The following IPO7 variants were observed in gnomAD, a reference collection of about 807,000 sequenced individuals.
The protein encoded by IPO7 is importin 7, also known as importin-7.
In IPO7, 13 loss-of-function variants were observed where a neutral mutation model predicts 136.4. The ratio of observed to expected loss-of-function variants is 0.10; its 90% CI spans 0.06 to 0.15. The LOEUF (loss-of-function observed/expected upper bound fraction) is 0.15. Ranked by LOEUF, IPO7 falls within the 10% of genes least tolerant of loss-of-function variation. The pLI is 1.00. For synonymous variants in IPO7, 403 were observed against 404.4 expected, an observed-to-expected ratio of 1.00 and a Z score of 0.04; for missense variants, 857 against 1,240.6, an observed-to-expected ratio of 0.69 and a Z score of 4.65.
chr11:9,384,672 T>A lies in IPO7; in HGVS notation c.-92T>A, dbSNP rs954382391. ...TCTTTCCTTTCGCGCCGGTTGCCGC[T>A]GCGGAGCGCGGCGGGTCCATGTGCG... On this transcript the variant is annotated 5_prime_UTR_variant, in exon 1 of 25. Transcript: ENST00000379719. The A allele has an allele frequency of 5.5e-6, 6 of 1,083,880 alleles. No homozygotes were observed. The highest frequency in any genetic ancestry group is 6.6e-6 in the Non-Finnish European group (5 of 752,360). The allele number at this position is 1,083,880 out of a possible 1,614,324, so 67.1% of individuals were successfully genotyped here. A position where few individuals can be genotyped will look rare whatever the true frequency, so the allele number is the denominator to read the frequency against.
chr11:9,432,606 A>T (rs1855311944), intron 16 of IPO7, among the ~76,000 whole-genome samples: 1 of 152,212 alleles, frequency 6.6e-6, no homozygotes, highest in Non-Finnish European at 1.5e-5. Context: ...ATTCTATTTT[A>T]GGAATTGTAA....
intron 8 of IPO7, 56 bp downstream of exon 8, chr11:9,420,754 T>C: frequency 8.7e-7 from 1 of 1,146,302 alleles, no homozygotes. Flanking sequence ...AGTTAATTTA[T>C]ATATTGCTTA....
chr11:9,433,059 A>G (rs983903399), intron 16 of IPO7: 2 of 140,534 alleles, frequency 1.4e-5, no homozygotes, highest in African/African-American at 5.3e-5. Context: ...CGCTCGGCTC[A>G]CTGCAACCTC....
chr11:9,422,985 G>T, intron 8 of IPO7, 21 bp from the exon 9 acceptor site: 1 of 1,475,300 alleles, frequency 6.8e-7, no homozygotes, highest in South Asian at 1.4e-5. Context: ...ATTGATTTGT[G>T]ATCGAAAATT....
rs559766853 is a variant in IPO7 at position 9,415,314 on chromosome 11, C to T, written c.636+903C>T. ...TCCAGCCTGGGCAACAAGAGCAAAACTCTGTCTCAAAAAAAAAAAAGAATT... is the reference window on the plus strand; with the variant it reads ...TCCAGCCTGGGCAACAAGAGCAAAATTCTGTCTCAAAAAAAAAAAAGAATT... On this transcript the variant is annotated intron_variant, in intron 5 of 24. Transcript: ENST00000379719. Among the ~76,000 whole-genome samples the T allele has an allele frequency of 5.3e-5, 8 of 149,946 alleles. 1 individual carries two copies. The South Asian group carries it at 1.7e-3, about 32-fold the overall frequency.
chr11:9,403,183 G>C, intron 1 of IPO7, 107 bp from the exon 2 acceptor site: 1 of 740,628 alleles, frequency 1.4e-6, no homozygotes, highest in Non-Finnish European at 2.4e-6. Context: ...GTTATGAAGA[G>C]CCTTTTGTGC....
At chr11:9,418,998 G>A (rs1250899628) in intron 6 of IPO7, among the ~76,000 whole-genome samples, 5 of 152,044 alleles carry the variant, frequency 3.3e-5, no homozygotes, top group African/African-American at 1.2e-4. Flanking sequence ...CACAATTTAT[G>A]TATGTTGATG....
rs1366624576 is a variant in IPO7, at chr11:9,420,638, C to T, written c.846C>T (p.Ser282=). Residue 282 remains serine (S), a synonymous_variant, in exon 8 of 25, where the codon TCC becomes TCT. Transcript: ENST00000379719. ...GATATGGAAGCCCTGGCAATGTTTC[C>T]AAGGAGTATAATGAATTTGCTGAAG... is the stretch of plus-strand genomic sequence containing the variant. The part of the protein sequence containing the change: ...FERYGSPGNV[S]KEYNEFAEVF... 2 of 1,612,890 alleles carry T rather than the reference C, an allele frequency of 1.2e-6. No individual in the cohort carries two copies. The highest frequency in any genetic ancestry group is 1.1e-5 in the South Asian group (1 of 90,966).
intron 1 of IPO7, among the ~76,000 whole-genome samples, chr11:9,398,759 T>A (rs1214809984): frequency 6.6e-6 from 1 of 152,208 alleles, no homozygotes; most frequent in Non-Finnish European, 1.5e-5. Flanking sequence ...TGCTTCTAGC[T>A]ATTTGAAAAT....
chr11:9,443,869 T>C (rs1190137161), intron 24 of IPO7, among the ~76,000 whole-genome samples: 2 of 151,988 alleles, frequency 1.3e-5, no homozygotes, highest in South Asian at 2.1e-4. Context: ...CACTGTACTC[T>C]AGCCTGGGTG....
At chr11:9,444,469 T>C (rs1855500927) in intron 24 of IPO7, among the ~76,000 whole-genome samples, 2 of 151,764 alleles carry the variant, frequency 1.3e-5, no homozygotes, top group Non-Finnish European at 2.9e-5. Context: ...TTTCAAGTGA[T>C]TCTCGTGCCT....
intron 2 of IPO7, among the ~76,000 whole-genome samples, chr11:9,404,381 C>G (rs1166107098): frequency 6.6e-6 from 1 of 151,308 alleles, no homozygotes; most frequent in Non-Finnish European, 1.5e-5. Context: ...AGGAGAATGG[C>G]GTGAACCTGG....
chr11:9,392,970 C>T (rs1158600607), intron 1 of IPO7, among the ~76,000 whole-genome samples: 3 of 145,876 alleles, frequency 2.1e-5, no homozygotes, highest in Non-Finnish European at 3.0e-5. Context: ...AAAAAAGTTA[C>T]GGGTTTGAAG....
At chr11:9,400,272 C>G (rs1007484391) in intron 1 of IPO7, among the ~76,000 whole-genome samples, 4 of 152,048 alleles carry the variant, frequency 2.6e-5, no homozygotes, top group African/African-American at 9.7e-5. Flanking sequence ...ATGGGGGCAC[C>G]GACTGTATTT....
intron 1 of IPO7, among the ~76,000 whole-genome samples, chr11:9,388,322 C>T (rs1025142684): frequency 4.7e-4 from 71 of 150,494 alleles, no homozygotes; most frequent in Admixed American, 7.9e-4. Flanking sequence ...GGATTACAGG[C>T]GTTTGCCACC....
At chr11:9,416,508 T>C (rs1270365756) in intron 5 of IPO7, among the ~76,000 whole-genome samples, 1 of 152,188 alleles carries the variant, frequency 6.6e-6, no homozygotes, top group Non-Finnish European at 1.5e-5. Flanking sequence ...CTAGCATACC[T>C]GTTGTAAAAA....
intron 1 of IPO7, among the ~76,000 whole-genome samples, chr11:9,398,500 G>T (rs1296897818): frequency 6.6e-6 from 1 of 152,238 alleles, no homozygotes; most frequent in Non-Finnish European, 1.5e-5. Context: ...CAGTTAACTG[G>T]TGGAGCATGC....
rs1854921379 is a variant in IPO7, at chr11:9,408,597, A to G, written c.278A>G (p.Glu93Gly). The change falls in exon 3 of 25, where the codon GAA becomes GGA. Residue 93 changes from glutamate (E) to glycine (G), a missense_variant. This residue lies in a region of IPO7 where 287 missense variants were observed against 307.5 expected (regional missense o/e 0.93). Coordinates refer to ENST00000379719, the MANE Select transcript of IPO7 (RefSeq NM_006391.3). ...GAAGAAGATCGCCATTGTATTCGAG[A>G]AAATATTGTAGAAGCCATTATCCAT... ...IPEEDRHCIR[E>G]NIVEAIIHSP... 6.2e-7 allele frequency: 1 copy of G among 1,610,384 alleles called. No homozygotes were observed. Among genetic ancestry groups the G allele is most frequent in the Non-Finnish European group, 8.5e-7 (1 of 1,178,440 alleles).
intron 20 of IPO7, among the ~76,000 whole-genome samples, chr11:9,436,731 G>A (rs1272618720): frequency 6.8e-6 from 1 of 147,792 alleles, no homozygotes; most frequent in African/African-American, 2.5e-5. Flanking sequence ...TGCCCAGACT[G>A]GAGTGCAGTG....
Sources: gnomAD v4.1 joint callset for allele counts (sites outside exome capture counted in the v4.1 genomes callset) on GRCh38, gnomAD v4.1.1 for gene constraint, gnomAD v4.1.1 regional missense constraint, MANE v1.5 for transcripts, NCBI Gene and HGNC (gene_info 2026-07-23, HGNC 2026-07-21) for gene names.